RGS8: variants seen among roughly 807,000 people sequenced by gnomAD.
RGS8 encodes regulator of G protein signaling 8.
In RGS8, 8 loss-of-function variants were observed where a neutral mutation model predicts 21.7. The observed-to-expected ratio is 0.37, with a 90% CI of 0.22 to 0.66. The LOEUF (loss-of-function observed/expected upper bound fraction) is 0.66. Among genes scored for constraint, RGS8 ranks in the 30% least tolerant of loss-of-function variants. The pLI is 0.59. For missense variants in RGS8, 157 were observed against 217.9 expected (o/e 0.72, Z 1.76); for synonymous variants, 80 against 83.6 (o/e 0.96, Z 0.24).
chr1:182,675,415 C>T (rs1383788367), upstream of RGS8, among the ~76,000 whole-genome samples: 1 of 151,700 alleles, frequency 6.6e-6, no homozygotes, highest in Non-Finnish European at 1.5e-5. Context: ...GATCTCCCTG[C>T]CCTCATTTCT....
the RGS8 span, among the ~76,000 whole-genome samples, chr1:182,705,114 T>G: frequency 6.6e-6 from 1 of 152,200 alleles, no homozygotes; most frequent in African/African-American, 2.4e-5. Flanking sequence ...TACATATAGA[T>G]ATATAAAAAT....
At chr1:182,688,164 G>T (rs1025720568), upstream of RGS8, among the ~76,000 whole-genome samples, 28 of 152,204 alleles carry the variant, frequency 1.8e-4, no homozygotes, top group Admixed American at 1.7e-3. Context: ...AGATTAAAGA[G>T]ATTAAATGTA....
intron 5 of RGS8, among the ~76,000 whole-genome samples, chr1:182,650,276 C>T (rs910640622): frequency 6.6e-6 from 1 of 152,220 alleles, no homozygotes; most frequent in African/African-American, 2.4e-5. Context: ...CCACCAGGAC[C>T]GTGCACTGGC....
Position 182,666,001 on chromosome 1 carries a change from G to T in RGS8, c.161C>A (p.Ala54Glu), listed in dbSNP as rs1414684298. The T allele has an allele frequency of 1.9e-6, 3 of 1,613,852 alleles. No homozygotes were observed. In the Admixed American group the frequency reaches 5.0e-5, roughly 27 times the overall value. ...AGAGAGAAGCACATCAAAGGAATCTGCCCACCTCGTAGCTTCTTCTGTCGA... is the reference window on the plus strand; with the variant it reads ...AGAGAGAAGCACATCAAAGGAATCTTCCCACCTCGTAGCTTCTTCTGTCGA... Residue 54 changes from alanine to glutamate, a missense_variant, in exon 5 of 7, where the codon GCA (alanine) becomes GAA (glutamate). This residue lies in a region of RGS8 where 125 missense variants were observed against 179.4 expected (regional missense o/e 0.70). Coordinates refer to ENST00000483095, the Ensembl canonical transcript of RGS8.
intron 1 of RGS8, among the ~76,000 whole-genome samples, chr1:182,682,223 A>G (rs1208843505): frequency 6.6e-6 from 1 of 152,238 alleles, no homozygotes; most frequent in Non-Finnish European, 1.5e-5. Context: ...GAGTTTTGTT[A>G]CTTATAATCA....
At chr1:182,715,996 C>T in the RGS8 span, among the ~76,000 whole-genome samples, 2 of 152,152 alleles carry the variant, frequency 1.3e-5, no homozygotes, top group Non-Finnish European at 2.9e-5. Context: ...TCAAGTCCCT[C>T]ATATAAAATG....
upstream of RGS8, among the ~76,000 whole-genome samples, chr1:182,677,203 G>A (rs745935038): frequency 3.3e-5 from 5 of 152,232 alleles, no homozygotes; most frequent in Non-Finnish European, 5.9e-5. Flanking sequence ...CTGTGGGCAA[G>A]CTACTCGCCC....
intron 2 of RGS8, among the ~76,000 whole-genome samples, chr1:182,671,197 T>C (rs1664141055): frequency 6.6e-6 from 1 of 152,174 alleles, no homozygotes; most frequent in Non-Finnish European, 1.5e-5. Context: ...CCCAAATTGC[T>C]GCTCAGACCC....
exon 5 of RGS8, chr1:182,666,012 A>G (rs1445342565): frequency 1.2e-6 from 2 of 1,614,054 alleles, no homozygotes; most frequent in Non-Finnish European, 1.7e-6. Flanking sequence ...CCCACCTCGT[A>G]GCTTCTTCTG....
At chr1:182,716,161 T>C in the RGS8 span, among the ~76,000 whole-genome samples, 1 of 151,882 alleles carries the variant, frequency 6.6e-6, no homozygotes, top group African/African-American at 2.4e-5. Flanking sequence ...AGTCTCACTT[T>C]GTCGCCCCGG....
the RGS8 span, among the ~76,000 whole-genome samples, chr1:182,720,913 G>GTGTATATACATATATACATATATACATA: frequency 6.0e-4 from 57 of 95,792 alleles, 7 homozygotes; most frequent in African/African-American, 9.5e-4. Context: ...ATATGTGTGT[G>GTGTATATACATATATACATATATACATA]TATATACATA....
the RGS8 span, among the ~76,000 whole-genome samples, chr1:182,736,974 T>G: frequency 6.6e-6 from 1 of 152,196 alleles, no homozygotes; most frequent in African/African-American, 2.4e-5. Context: ...GAAATCTGTT[T>G]TCTCAGTCCT....
the RGS8 span, among the ~76,000 whole-genome samples, chr1:182,707,519 T>C: frequency 3.9e-5 from 6 of 152,164 alleles, no homozygotes; most frequent in Non-Finnish European, 8.8e-5. Flanking sequence ...CCCCCACCTC[T>C]ACTATCACCG....
intron 1 of RGS8, among the ~76,000 whole-genome samples, chr1:182,680,148 T>C (rs1664493819): frequency 6.6e-6 from 1 of 152,136 alleles, no homozygotes; most frequent in Non-Finnish European, 1.5e-5. Flanking sequence ...TCTGCAGCCA[T>C]AATCACCTGG....
intron 5 of RGS8, among the ~76,000 whole-genome samples, chr1:182,665,718 T>C (rs1663823957): frequency 6.6e-6 from 1 of 152,194 alleles, no homozygotes; most frequent in African/African-American, 2.4e-5. Flanking sequence ...CTAAAACTGC[T>C]GAGAATACGA....
chr1:182,699,771 C>G, the RGS8 span, among the ~76,000 whole-genome samples: 1 of 152,176 alleles, frequency 6.6e-6, no homozygotes, highest in African/African-American at 2.4e-5. Context: ...CTGGGGCCTT[C>G]CTGGCAGGAT....
the RGS8 span, among the ~76,000 whole-genome samples, chr1:182,740,543 TGTTTG>T: frequency 6.1e-3 from 691 of 113,908 alleles, 6 homozygotes; most frequent in African/African-American, 0.022. Context: ...TTTTTTTGTT[TGTTTG>T]TTTTTTTTTT....
At chr1:182,678,054 TGATTA>T (rs1664426869) in intron 1 of RGS8, among the ~76,000 whole-genome samples, 1 of 152,260 alleles carries the variant, frequency 6.6e-6, no homozygotes, top group African/African-American at 2.4e-5. Flanking sequence ...ATCTAAACAC[TGATTA>T]GATATTTAAT....
At chr1:182,729,108 T>C in the RGS8 span, among the ~76,000 whole-genome samples, 1 of 152,264 alleles carries the variant, frequency 6.6e-6, no homozygotes, top group Non-Finnish European at 1.5e-5. Context: ...CTTTTTAAAA[T>C]TCAAGTTTCA....
Sources: gnomAD v4.1 joint callset for allele counts (sites outside exome capture counted in the v4.1 genomes callset) on GRCh38, gnomAD v4.1.1 for gene constraint, gnomAD v4.1.1 regional missense constraint, MANE v1.5 for transcripts, NCBI Gene and HGNC (gene_info 2026-07-23, HGNC 2026-07-21) for gene names.